Variants in MAK16 observed in about 807,000 individuals in gnomAD.
The protein encoded by MAK16 is protein MAK16 homolog.
Under a neutral mutation model 49.9 loss-of-function variants are expected in MAK16, and 12 were observed. That is an observed-to-expected ratio of 0.24 (90% CI 0.15 to 0.39). The LOEUF (loss-of-function observed/expected upper bound fraction) is 0.39. MAK16 is among the 10% of genes least tolerant of loss of function. The probability of loss-of-function intolerance (pLI) is 1.00; values close to 1 mark genes in which losing one functional copy is unlikely to be tolerated. For synonymous variants in MAK16, 115 were observed against 126.4 expected, an observed-to-expected ratio of 0.91 and a Z score of 0.60; for missense variants, 292 against 363.7, an observed-to-expected ratio of 0.80 and a Z score of 1.60.
chr8:33,499,660 G>T lies in MAK16; in HGVS notation c.*1031G>T. The T allele has an allele frequency of 1.1e-5, 2 of 176,070 alleles. No individual in the cohort carries two copies. The highest frequency in any genetic ancestry group is 1.2e-4 in the South Asian group (1 of 8,086). 10.9% of individuals were successfully genotyped at this position (176,070 alleles called of 1,614,324 possible). On this transcript the variant is annotated 3_prime_UTR_variant, in exon 10 of 10. Coordinates refer to ENST00000360128, the MANE Select transcript of MAK16 (RefSeq NM_032509.4). ...TTCATACTATCTCTACATATTTTTA[G>T]GATATGAATTTTTTTTTCCTGCTGG...
Position 33,500,207 on chromosome 8 carries a change from TA to T in MAK16, c.*1582del. Reference sequence around the variant, plus strand: ...AGGCTAGAGGGCTCATATGGAGATCTAAAACCCTCCATGTTCATTTCCAGAC... The same window carrying T: ...AGGCTAGAGGGCTCATATGGAGATCTAAACCCTCCATGTTCATTTCCAGAC... On this transcript the variant is annotated 3_prime_UTR_variant, in exon 10 of 10. Coordinates refer to ENST00000360128, the MANE Select transcript of MAK16 (RefSeq NM_032509.4). 2 of 1,191,790 alleles carry T rather than the reference TA, an allele frequency of 1.7e-6. No individual in the cohort carries two copies. Among genetic ancestry groups the T allele is most frequent in the Non-Finnish European group, 1.2e-6 (1 of 830,976 alleles). 73.8% of individuals were successfully genotyped at this position (1,191,790 alleles called of 1,614,324 possible). A position where few individuals can be genotyped will look rare whatever the true frequency, so the allele number is the denominator to read the frequency against.
Position 33,498,605 on chromosome 8 carries a change from C to T in MAK16, c.879C>T (p.Pro293=), listed in dbSNP as rs559503511. 1.8e-4 allele frequency: 291 copies of T among 1,613,322 alleles called. No homozygotes were observed. Among genetic ancestry groups the T allele is most frequent in the Non-Finnish European group, 2.4e-4 (280 of 1,179,986 alleles). Residue 293 remains proline, a synonymous_variant, in exon 10 of 10, where the codon CCC becomes CCT. Coordinates refer to ENST00000360128, the MANE Select transcript of MAK16 (RefSeq NM_032509.4). ...TAGAATACGAGCAGGAGACAGAGCC[C>T]GTGGCCAAAGCCAAAACCACGTGAT... ...VEIEYEQETE[P]VAKAKTT
intron 6 of MAK16, among the ~76,000 whole-genome samples, chr8:33,492,004 T>G (rs973818426): frequency 6.6e-6 from 1 of 151,730 alleles, no homozygotes; most frequent in African/African-American, 2.4e-5. Flanking sequence ...TTATATAGTC[T>G]GGATTTTGTT....
intron 1 of MAK16, among the ~76,000 whole-genome samples, chr8:33,486,615 A>T (rs770875376): frequency 6.6e-6 from 1 of 152,208 alleles, no homozygotes; most frequent in African/African-American, 2.4e-5. Context: ...AATGGTGGAG[A>T]TGAAAAGAAA....
Position 33,490,301 on chromosome 8 carries a change from T to C in MAK16, c.409T>C (p.Leu137=). The change falls in exon 6 of 10, where the codon TTG becomes CTG. Residue 137 remains leucine, a synonymous_variant. Transcript: ENST00000360128. ...TLKRQRKLVP[L]SKKVERREKR... Reference sequence around the variant, plus strand: ...TTCCCTTAGGAGGAAACTTGTTCCTTTGAGTAAGAAGGTGGAGCGTAGGGA... The same window carrying C: ...TTCCCTTAGGAGGAAACTTGTTCCTCTGAGTAAGAAGGTGGAGCGTAGGGA... 6.2e-7 allele frequency: 1 copy of C among 1,612,966 alleles called. No homozygotes were observed. Among genetic ancestry groups the C allele is most frequent in the East Asian group, 2.2e-5 (1 of 44,856 alleles).
At chr8:33,497,498 A>C (rs921288102) in intron 9 of MAK16, among the ~76,000 whole-genome samples, 8 of 151,764 alleles carry the variant, frequency 5.3e-5, no homozygotes, top group Non-Finnish European at 1.2e-4. Flanking sequence ...ATAAAAAAAA[A>C]AATTTTTTTT....
chr8:33,497,961 T>C (rs1450739160), intron 9 of MAK16, among the ~76,000 whole-genome samples: 1 of 151,740 alleles, frequency 6.6e-6, no homozygotes, highest in Admixed American at 6.6e-5. Flanking sequence ...CTAGGTATGG[T>C]GGTGCATGCC....
chr8:33,499,184 T>C lies in MAK16; in HGVS notation c.*555T>C, dbSNP rs536963979. The C allele has an allele frequency of 3.7e-6, 6 of 1,613,594 alleles. No individual in the cohort carries two copies. The highest frequency in any genetic ancestry group is 3.3e-5 in the Admixed American group (2 of 60,018). ...AAGTAATACAAGTCTTAAGTTCCAT[T>C]GTAGGGTGCGCCTTCAGAAACCTGC... On this transcript the variant is annotated 3_prime_UTR_variant, in exon 10 of 10. Coordinates refer to ENST00000360128, the MANE Select transcript of MAK16 (RefSeq NM_032509.4).
At chr8:33,495,717 T>C in intron 7 of MAK16, 101 bp downstream of exon 7, 2 of 309,430 alleles carry the variant, frequency 6.5e-6, no homozygotes, top group South Asian at 5.4e-5. Context: ...TTTTTTTTTT[T>C]TTTTTTTTTT....
At chr8:33,496,807 A>G (rs1808867556) in intron 8 of MAK16, 66 bp downstream of exon 8, 5 of 1,217,106 alleles carry the variant, frequency 4.1e-6, no homozygotes, top group African/African-American at 1.5e-5. Flanking sequence ...GAAACAGAAT[A>G]TCATCTTCAG....
chr8:33,493,513 G>T (rs1004303794), intron 6 of MAK16, among the ~76,000 whole-genome samples: 8 of 152,176 alleles, frequency 5.3e-5, no homozygotes, highest in African/African-American at 1.9e-4. Flanking sequence ...TGAAACAAAA[G>T]TCTGCTTCTT....
At chr8:33,487,489 G>A (rs564254069) in intron 1 of MAK16, among the ~76,000 whole-genome samples, 2 of 151,030 alleles carry the variant, frequency 1.3e-5, no homozygotes, top group African/African-American at 4.9e-5. Flanking sequence ...GCAGTGGCGT[G>A]ATCTCGGCTT....
chr8:33,489,345 C>G lies in MAK16; in HGVS notation c.392+206C>G. The G allele has an allele frequency of 2.0e-6, 1 of 494,346 alleles. No individual in the cohort carries two copies. The highest frequency in any genetic ancestry group is 2.0e-5 in the African/African-American group (1 of 50,358). The allele number at this position is 494,346 out of a possible 1,614,324, so 30.6% of individuals were successfully genotyped here. ...ACAGTAGAATACAACTTGATTATCA[C>G]CCTCCTTGTCTGAAAATCTTTCAGA... is the stretch of plus-strand genomic sequence containing the variant. On this transcript the variant is annotated intron_variant, in intron 5 of 9. Transcript: ENST00000360128. The surrounding 1 kb of genome is among the most constrained non-coding windows in gnomAD (Gnocchi z 4.2).
intron 7 of MAK16, among the ~76,000 whole-genome samples, chr8:33,496,352 C>T (rs1378779753): frequency 1.3e-5 from 2 of 152,034 alleles, no homozygotes; most frequent in Non-Finnish European, 2.9e-5. Context: ...ACATTTGTCC[C>T]AATGCATGGG....
intron 9 of MAK16, among the ~76,000 whole-genome samples, chr8:33,497,769 G>A (rs2468547): frequency 0.55 from 83,763 of 151,334 alleles, 23,685 homozygotes; most frequent in Non-Finnish European, 0.61. Context: ...GCTAAGATTA[G>A]AGGCATGAGT....
intron 6 of MAK16, among the ~76,000 whole-genome samples, chr8:33,493,346 G>C (rs1366905387): frequency 6.6e-6 from 1 of 152,114 alleles, no homozygotes; most frequent in Non-Finnish European, 1.5e-5. Context: ...TAGAGATGGG[G>C]TTTCACCACA....
At chr8:33,493,736 A>G (rs187406277) in intron 6 of MAK16, among the ~76,000 whole-genome samples, 155 of 152,200 alleles carry the variant, frequency 1.0e-3, no homozygotes, top group African/African-American at 3.6e-3. Flanking sequence ...AATTTTTTCT[A>G]TTTTCACCAA....
At chr8:33,485,260 G>A (rs200129884) in intron 1 of MAK16, 39 bp downstream of exon 1, 2 of 1,613,960 alleles carry the variant, frequency 1.2e-6, no homozygotes, top group African/African-American at 2.7e-5. Context: ...CGGGGTTTGC[G>A]CAGGGAATTT....
At position 33,497,217 on chromosome 8, in the gene MAK16, A is replaced by G; in HGVS notation, c.640-15A>G. Reference sequence around the variant, plus strand: ...ATTATGTATTCTGAACCTAACAGTTATGTTTTATTTATAGGATGTGGGGAA... The same window carrying G: ...ATTATGTATTCTGAACCTAACAGTTGTGTTTTATTTATAGGATGTGGGGAA... On this transcript the variant is annotated splice_polypyrimidine_tract_variant and intron_variant, in intron 8 of 9. Transcript: ENST00000360128. The G allele has an allele frequency of 6.3e-7, 1 of 1,584,694 alleles. No individual in the cohort carries two copies.
Sources: allele counts gnomAD v4.1 joint callset (sites outside exome capture counted in the v4.1 genomes callset), GRCh38; gene constraint gnomAD v4.1.1; non-coding constraint Gnocchi (gnomAD v3.1); transcripts MANE v1.5; gene names NCBI Gene and HGNC (gene_info 2026-07-23, HGNC 2026-07-21).